The following ZNF148 variants were observed in gnomAD, a reference collection of about 807,000 sequenced individuals.
ZNF148 encodes Beta-Enolase Repressor Factor-1.
ZNF148 carries 7 observed loss-of-function variants against 67.7 expected under a neutral mutation model. The observed-to-expected ratio is 0.10, with a 90% CI of 0.06 to 0.19. ZNF148 has a LOEUF of 0.19. Ranked by LOEUF, ZNF148 falls within the 10% of genes least tolerant of loss-of-function variation. The pLI, the probability that ZNF148 is intolerant of heterozygous loss-of-function variation, is 1.00. For synonymous variants in ZNF148, 333 were observed against 330.7 expected, an observed-to-expected ratio of 1.01 and a Z score of -0.08; for missense variants, 583 against 947.1, an observed-to-expected ratio of 0.62 and a Z score of 5.05.
rs10665336 is a variant in ZNF148, at chr3:125,279,254, C to CA, written c.460-8dup. The CA allele has an allele frequency of 0.01, 12,667 of 1,261,898 alleles. 83 individuals are homozygous for CA. Among genetic ancestry groups the CA allele is most frequent in the South Asian group, 0.024 (1,337 of 55,422 alleles). 78.2% of individuals were successfully genotyped at this position (1,261,898 alleles called of 1,614,324 possible). A position where few individuals can be genotyped will look rare whatever the true frequency, so the allele number is the denominator to read the frequency against. On this transcript the variant is annotated splice_polypyrimidine_tract_variant and splice_region_variant and intron_variant, in intron 5 of 8. Coordinates refer to ENST00000360647, the MANE Select transcript of ZNF148 (RefSeq NM_021964.3). ...CCTCATTTATTGTAAGGATCTAGTT[C>CA]AAAAAAAAAAAGGCAAAAACAAAAG...
At chr3:125,244,500 TG>T (rs1158789088) in intron 7 of ZNF148, among the ~76,000 whole-genome samples, 39 of 152,080 alleles carry the variant, frequency 2.6e-4, no homozygotes, top group African/African-American at 6.3e-4. Context: ...AAATCTTTTT[TG>T]TTTTTTTTTT....
At chr3:125,366,513 T>G (rs1473477846) in intron 1 of ZNF148, among the ~76,000 whole-genome samples, 1 of 151,708 alleles carries the variant, frequency 6.6e-6, no homozygotes, top group Admixed American at 6.6e-5. Flanking sequence ...GACAATCAGC[T>G]TTTTTTTCTT....
chr3:125,279,247 T>G lies in ZNF148; in HGVS notation c.460A>C (p.Ile154Leu). ...KKRKQRSPAK[I>L]LTINEDGSLG... ...GATCCATCCTCATTTATTGTAAGGA[T>G]CTAGTTCAAAAAAAAAAAGGCAAAA... Residue 154 changes from isoleucine (I) to leucine (L), a missense_variant and splice_region_variant, in exon 6 of 9, where the codon ATC becomes CTC. By Grantham distance (5) the Ile-to-Leu change is conservative (BLOSUM62 2). This residue lies in a region of ZNF148 where 150 missense variants were observed against 202.5 expected (regional missense o/e 0.74). Coordinates refer to ENST00000360647, the MANE Select transcript of ZNF148 (RefSeq NM_021964.3). 1.4e-6 allele frequency: 2 copies of G among 1,438,986 alleles called. No individual in the cohort carries two copies. The highest frequency in any genetic ancestry group is 1.8e-6 in the Non-Finnish European group (2 of 1,101,344). 89.1% of individuals were successfully genotyped at this position (1,438,986 alleles called of 1,614,324 possible).
At chr3:125,297,837 G>C (rs1484035837) in intron 4 of ZNF148, among the ~76,000 whole-genome samples, 1 of 152,030 alleles carries the variant, frequency 6.6e-6, no homozygotes, top group East Asian at 1.9e-4. Flanking sequence ...GCTGAACATA[G>C]GCATATCCAG....
chr3:125,261,488 T>C (rs1937338484), intron 7 of ZNF148, among the ~76,000 whole-genome samples: 2 of 152,142 alleles, frequency 1.3e-5, no homozygotes, highest in East Asian at 1.9e-4. Context: ...GTAAGCAAGG[T>C]AGTGAATATG....
Position 125,233,255 on chromosome 3 carries a change from C to T in ZNF148, c.1471G>A (p.Val491Met), listed in dbSNP as rs1418138736. ...GAAGGCTGAGAAGCTATGGTACCCA[C>T]ATTCAGCGCATATTCCCTGCTGTTG... ...SNNSREYALN[V>M]GTIASQPSVT... The change falls in exon 9 of 9, where the codon GTG (valine) becomes ATG (methionine). Residue 491 changes from valine (V) to methionine (M), a missense_variant. By Grantham distance (21) the Val-to-Met change is conservative. This residue lies in a region of ZNF148 where 172 missense variants were observed against 307.7 expected (regional missense o/e 0.56). Coordinates refer to ENST00000360647, the MANE Select transcript of ZNF148 (RefSeq NM_021964.3). This position sits in a 1 kb window ranked among gnomAD's most constrained non-coding sequence, Gnocchi z 5.1. The T allele has an allele frequency of 6.2e-7, 1 of 1,613,802 alleles. No homozygotes were observed. Among genetic ancestry groups the T allele is most frequent in the Non-Finnish European group, 8.5e-7 (1 of 1,179,918 alleles).
chr3:125,257,479 G>A (rs542803784), intron 7 of ZNF148, among the ~76,000 whole-genome samples: 8 of 151,290 alleles, frequency 5.3e-5, no homozygotes, highest in South Asian at 2.1e-4. Flanking sequence ...GCTTGAACTC[G>A]GGCTGCGGAG....
At chr3:125,331,665 A>G (rs1468372736) in intron 1 of ZNF148, among the ~76,000 whole-genome samples, 1 of 152,222 alleles carries the variant, frequency 6.6e-6, no homozygotes, top group East Asian at 1.9e-4. Flanking sequence ...CCCTCAGCTG[A>G]AAAAATCTAA....
In ZNF148 at chr3:125,296,622, A is replaced by G. The variant is rs962974755; in HGVS notation, c.334-8394T>C. Among the ~76,000 whole-genome samples the G allele has an allele frequency of 7.2e-5, 11 of 152,330 alleles. No individual in the cohort carries two copies. In the South Asian group the frequency reaches 2.3e-3, roughly 32 times the overall value. ...GTAGACTACAATTTGGCCAATATACAATAAAAGCCTTAAGAGACCTATACT... is the reference window on the plus strand; with the variant it reads ...GTAGACTACAATTTGGCCAATATACGATAAAAGCCTTAAGAGACCTATACT... On this transcript the variant is annotated intron_variant, in intron 4 of 8. Transcript: ENST00000360647.
intron 7 of ZNF148, among the ~76,000 whole-genome samples, chr3:125,253,583 T>C (rs188809163): frequency 2.0e-5 from 3 of 152,278 alleles, no homozygotes; most frequent in Admixed American, 6.5e-5. Context: ...GTTTGCTACA[T>C]AGTCAGATAA....
chr3:125,307,099 T>C (rs1272604078), intron 4 of ZNF148, among the ~76,000 whole-genome samples: 6 of 148,666 alleles, frequency 4.0e-5, no homozygotes, highest in Non-Finnish European at 8.9e-5. Context: ...CTCATAAACA[T>C]ACAAATGTTT....
At chr3:125,339,612 C>T (rs1941632851) in intron 1 of ZNF148, among the ~76,000 whole-genome samples, 1 of 152,144 alleles carries the variant, frequency 6.6e-6, no homozygotes. Flanking sequence ...GTGAAGCACA[C>T]ATTTTATATA....
In ZNF148 at chr3:125,269,470, C is replaced by T. The variant is rs146585321; in HGVS notation, c.667+8256G>A. Among the ~76,000 whole-genome samples the T allele has an allele frequency of 2.5e-3, 376 of 150,274 alleles. 1 individual carries two copies. The highest frequency in any genetic ancestry group is 9.0e-3 in the African/African-American group (368 of 40,984). On this transcript the variant is annotated intron_variant, in intron 7 of 8. Coordinates refer to ENST00000360647, the MANE Select transcript of ZNF148 (RefSeq NM_021964.3). Reference sequence around the variant, plus strand: ...TGTCAAAAAAAAAAAAACATGTTGGCGAAGCTACAGAGAAAAGGGAACACT... The same window carrying T: ...TGTCAAAAAAAAAAAAACATGTTGGTGAAGCTACAGAGAAAAGGGAACACT...
chr3:125,264,610 C>A (rs528804149), intron 7 of ZNF148, among the ~76,000 whole-genome samples: 4 of 152,192 alleles, frequency 2.6e-5, no homozygotes, highest in African/African-American at 9.6e-5. Flanking sequence ...ATCAGAGTTC[C>A]ATCAAAAAAA....
At position 125,314,243 on chromosome 3, in the gene ZNF148, A is replaced by C. The variant is rs993481464; in HGVS notation, c.-16-587T>G. ...AATAAAAGTATGTATTAGATCAACT[A>C]TTTTCAAAAGCCATTTGGTATCAAA... On this transcript the variant is annotated intron_variant, in intron 3 of 8. Transcript: ENST00000360647. 1.8e-4 allele frequency among the ~76,000 whole-genome samples: 27 copies of C among 152,166 alleles called. 1 individual carries two copies. Among genetic ancestry groups the C allele is most frequent in the Non-Finnish European group, 1.5e-5 (1 of 68,012 alleles).
At chr3:125,276,624 G>C (rs1938089676) in intron 7 of ZNF148, among the ~76,000 whole-genome samples, 1 of 151,848 alleles carries the variant, frequency 6.6e-6, no homozygotes, top group African/African-American at 2.4e-5. Context: ...GTAGAGACGG[G>C]GTTTCTTCCA....
intron 1 of ZNF148, among the ~76,000 whole-genome samples, chr3:125,335,075 A>C (rs1941435585): frequency 1.5e-5 from 1 of 65,814 alleles, no homozygotes; most frequent in Non-Finnish European, 3.0e-5. Context: ...CATACACTCA[A>C]TCCCCCTTTT....
chr3:125,343,389 T>C (rs1941810608), intron 1 of ZNF148, among the ~76,000 whole-genome samples: 2 of 152,142 alleles, frequency 1.3e-5, no homozygotes, highest in South Asian at 4.1e-4. Context: ...AGAACTTTTC[T>C]GTCTTACAAG....
chr3:125,257,836 C>T (rs1937155843), intron 7 of ZNF148, among the ~76,000 whole-genome samples: 1 of 152,070 alleles, frequency 6.6e-6, no homozygotes, highest in Non-Finnish European at 1.5e-5. Context: ...TCAACTGTTT[C>T]CTCCTCTTCT....
Sources: gnomAD v4.1 joint callset for allele counts (sites outside exome capture counted in the v4.1 genomes callset) on GRCh38, gnomAD v4.1.1 for gene constraint, gnomAD v4.1.1 regional missense constraint, Gnocchi (gnomAD v3.1) non-coding constraint, MANE v1.5 for transcripts, NCBI Gene and HGNC (gene_info 2026-07-23, HGNC 2026-07-21) for gene names.